The following TASOR2 variants were observed in gnomAD, a reference collection of about 807,000 sequenced individuals.
TASOR2 encodes the protein protein TASOR 2.
Under a neutral mutation model 199.5 loss-of-function variants are expected in TASOR2, and 84 were observed. That is an observed-to-expected ratio of 0.42 (90% CI 0.35 to 0.50). TASOR2 has a LOEUF of 0.50. Among genes scored for constraint, TASOR2 ranks in the 20% least tolerant of loss-of-function variants. The pLI is 0.02. For missense variants in TASOR2, 2,796 were observed against 2,835.9 expected (o/e 0.99, Z 0.32); for synonymous variants, 1,103 against 1,046.6 (o/e 1.05, Z -1.04).
intron 1 of TASOR2, among the ~76,000 whole-genome samples, chr10:5,691,894 C>G (rs926771788): frequency 1.1e-4 from 17 of 152,190 alleles, no homozygotes; most frequent in East Asian, 3.8e-4. Context: ...AAACCATATT[C>G]AGGCCTGGCA....
intron 1 of TASOR2, among the ~76,000 whole-genome samples, chr10:5,707,668 C>G (rs1838808489): frequency 6.6e-6 from 1 of 151,082 alleles, no homozygotes; most frequent in Non-Finnish European, 1.5e-5. Context: ...CTCTCTCTCT[C>G]TCTCTGTCTC....
chr10:5,702,358 T>C (rs938825407), intron 1 of TASOR2, among the ~76,000 whole-genome samples: 1 of 152,172 alleles, frequency 6.6e-6, no homozygotes, highest in Admixed American at 6.5e-5. Flanking sequence ...GATTTACTAG[T>C]ATATTGAGAA....
In TASOR2 at chr10:5,756,737, A is replaced by AGGTC; in HGVS notation, c.6732+3_6732+6dup. 1.9e-6 allele frequency: 3 copies of AGGTC among 1,611,922 alleles called. No homozygotes were observed. Among genetic ancestry groups the AGGTC allele is most frequent in the Non-Finnish European group, 2.5e-6 (3 of 1,179,244 alleles). ...GAAGATATATCATCACATTTGCATC[A>AGGTC]GGTCGGTTGGAAATACCTTACAAAG... On this transcript the variant is annotated frameshift_variant and splice_region_variant, in exon 16 of 21. Transcript: ENST00000328090. LOFTEE classifies it high-confidence loss of function.
intron 14 of TASOR2, 99 bp from the exon 16 acceptor site, chr10:5,746,080 A>G (rs1206954904): frequency 1.5e-6 from 2 of 1,319,980 alleles, no homozygotes; most frequent in Non-Finnish European, 2.0e-6. Flanking sequence ...ACAAACTAAA[A>G]TTAATTTTTA....
At position 5,737,080 on chromosome 10, in the gene TASOR2, C is replaced by T. The variant is rs1390065209; in HGVS notation, c.1447+1534C>T. ...GTTCAAGCAGTTTTCCTGCCTCAGT[C>T]TCCCGAGTAGCTAGGACTACAGGTG... On this transcript the variant is annotated intron_variant, in intron 12 of 20. Coordinates refer to ENST00000328090, the Ensembl canonical transcript of TASOR2. The surrounding 1 kb of genome is among the most constrained non-coding windows in gnomAD (Gnocchi z 4.9). Among the ~76,000 whole-genome samples, 4 of 152,300 alleles carry T rather than the reference C, an allele frequency of 2.6e-5. No homozygotes were observed. Among genetic ancestry groups the T allele is most frequent in the South Asian group, 2.1e-4 (1 of 4,830 alleles).
chr10:5,753,138 G>A (rs148252050), intron 15 of TASOR2, among the ~76,000 whole-genome samples: 265 of 152,180 alleles, frequency 1.7e-3, no homozygotes, highest in African/African-American at 6.1e-3. Flanking sequence ...ATTTTAGGAC[G>A]ATATCTTAGC....
At chr10:5,761,593 G>GA (rs1839843291) in intron 19 of TASOR2, 122 bp downstream of exon 20, 1 of 793,912 alleles carries the variant, frequency 1.3e-6, no homozygotes, top group South Asian at 1.7e-5. Flanking sequence ...ATGGATACCA[G>GA]AATCACCCAA....
Position 5,687,974 on chromosome 10 carries a change from C to T in TASOR2, c.-288+2799C>T, listed in dbSNP as rs534979641. Among the ~76,000 whole-genome samples, 65 of 152,282 alleles carry T rather than the reference C, an allele frequency of 4.3e-4. 1 individual carries two copies. Among genetic ancestry groups the T allele is most frequent in the Admixed American group, 3.9e-3 (60 of 15,294 alleles). On this transcript the variant is annotated intron_variant, in intron 1 of 20. Coordinates refer to ENST00000328090, the Ensembl canonical transcript of TASOR2. This position sits in a 1 kb window ranked among gnomAD's most constrained non-coding sequence, Gnocchi z 4.8. ...CATTACATCTTAACATATTTTATCT[C>T]CCCAAAATTAGTGACAAGAATGGGA...
intron 11 of TASOR2, among the ~76,000 whole-genome samples, chr10:5,734,909 G>A (rs1322800027): frequency 6.6e-6 from 1 of 151,586 alleles, no homozygotes; most frequent in African/African-American, 2.4e-5. Context: ...GCCCAGGTTG[G>A]TCTCCTACTC....
In TASOR2 at chr10:5,689,514, T is replaced by G. The variant is rs1836187594; in HGVS notation, c.-288+4339T>G. ...ACTCGGGAGGCTGAGGCAGAAGAAT[T>G]GCTTGAACTCGGGAGGCAGAGGTTG... On this transcript the variant is annotated intron_variant, in intron 1 of 20. Coordinates refer to ENST00000328090, the Ensembl canonical transcript of TASOR2. This position sits in a 1 kb window ranked among gnomAD's most constrained non-coding sequence, Gnocchi z 4.1. Among the ~76,000 whole-genome samples the G allele has an allele frequency of 6.6e-6, 1 of 151,958 alleles. No individual in the cohort carries two copies. The highest frequency in any genetic ancestry group is 6.6e-5 in the Admixed American group (1 of 15,256).
At chr10:5,713,534 A>AG (rs1169456403) in intron 2 of TASOR2, among the ~76,000 whole-genome samples, 1 of 152,200 alleles carries the variant, frequency 6.6e-6, no homozygotes, top group Non-Finnish European at 1.5e-5. Flanking sequence ...TTTATAAAGA[A>AG]GGGGGGCAGA....
At chr10:5,696,176 C>T (rs879439900) in intron 1 of TASOR2, among the ~76,000 whole-genome samples, 2 of 152,158 alleles carry the variant, frequency 1.3e-5, no homozygotes, top group Admixed American at 6.5e-5. Context: ...ATCAGGCTTA[C>T]GTGCCCCTCA....
chr10:5,702,139 C>T (rs1037041973), intron 1 of TASOR2, among the ~76,000 whole-genome samples: 1 of 152,026 alleles, frequency 6.6e-6, no homozygotes, highest in Admixed American at 6.6e-5. Flanking sequence ...CCTTCCATAC[C>T]CAGTTTGATG....
In TASOR2 at chr10:5,719,387, G is replaced by T. The variant is rs1833071712; in HGVS notation, c.-99-1157G>T. Among the ~76,000 whole-genome samples the T allele has an allele frequency of 6.6e-6, 1 of 151,942 alleles. No homozygotes were observed. The highest frequency in any genetic ancestry group is 1.5e-5 in the Non-Finnish European group (1 of 67,998). On this transcript the variant is annotated intron_variant, in intron 3 of 20. Coordinates refer to ENST00000328090, the Ensembl canonical transcript of TASOR2. This position sits in a 1 kb window ranked among gnomAD's most constrained non-coding sequence, Gnocchi z 4.1. ...GAGACAGAGTCTTGCTCTGTTGCCA[G>T]GCTGGAGTGTAGTGACACAATCTCA...
chr10:5,708,048 T>A, intron 1 of TASOR2, among the ~76,000 whole-genome samples: 1 of 152,234 alleles, frequency 6.6e-6, no homozygotes. Flanking sequence ...CACACAATTC[T>A]ACCTCCAGTT....
rs1834656534 is a variant in TASOR2, at chr10:5,730,431, T to C, written c.488-56T>C. The C allele has an allele frequency of 7.5e-7, 1 of 1,326,518 alleles. No individual in the cohort carries two copies. The highest frequency in any genetic ancestry group is 1.5e-5 in the African/African-American group (1 of 68,466). The allele number at this position is 1,326,518 out of a possible 1,614,324, so 82.2% of individuals were successfully genotyped here. A position where few individuals can be genotyped will look rare whatever the true frequency, so the allele number is the denominator to read the frequency against. On this transcript the variant is annotated intron_variant, in intron 10 of 20. Coordinates refer to ENST00000328090, the Ensembl canonical transcript of TASOR2. This position sits in a 1 kb window ranked among gnomAD's most constrained non-coding sequence, Gnocchi z 4.1. ...AAATCTAAAGCTTTTTTTTCCAGAA[T>C]GTTTTGTTTTTAAAAAATAAACTTC... is the stretch of plus-strand genomic sequence containing the variant.
rs764383255 is a variant in TASOR2, at chr10:5,690,671, T to G, written c.-288+5496T>G. ...TATAATTGTTTCTGAGAGGAACTTATTCTCAGGATATTTTTGTAAGAGGGA... is the reference window on the plus strand; with the variant it reads ...TATAATTGTTTCTGAGAGGAACTTAGTCTCAGGATATTTTTGTAAGAGGGA... On this transcript the variant is annotated intron_variant, in intron 1 of 20. Coordinates refer to ENST00000328090, the Ensembl canonical transcript of TASOR2. This position sits in a 1 kb window ranked among gnomAD's most constrained non-coding sequence, Gnocchi z 4.8. Among the ~76,000 whole-genome samples the G allele has an allele frequency of 5.9e-5, 9 of 152,230 alleles. No individual in the cohort carries two copies. Among genetic ancestry groups the G allele is most frequent in the Non-Finnish European group, 1.3e-4 (9 of 68,042 alleles).
chr10:5,717,714 G>A (rs955006858), exon 3 of TASOR2: 2 of 1,224,508 alleles, frequency 1.6e-6, no homozygotes, highest in African/African-American at 3.1e-5. Flanking sequence ...GGTATCATGG[G>A]AAATCTGGTT....
chr10:5,696,410 G>A (rs1047089289), intron 1 of TASOR2, among the ~76,000 whole-genome samples: 2 of 152,184 alleles, frequency 1.3e-5, no homozygotes, highest in African/African-American at 4.8e-5. Context: ...AGATTGAAGT[G>A]CAGTAGCGCC....
Sources: gnomAD v4.1 joint callset for allele counts (sites outside exome capture counted in the v4.1 genomes callset) on GRCh38, gnomAD v4.1.1 for gene constraint, Gnocchi (gnomAD v3.1) non-coding constraint, MANE v1.5 for transcripts, NCBI Gene and HGNC (gene_info 2026-07-23, HGNC 2026-07-21) for gene names.